PDGFC: variants seen among roughly 807,000 people sequenced by gnomAD.
The protein encoded by PDGFC is platelet-derived growth factor C.
PDGFC carries 12 observed loss-of-function variants against 35.5 expected under a neutral mutation model. That is an observed-to-expected ratio of 0.34 (90% CI 0.22 to 0.55). The LOEUF is 0.55. PDGFC is among the 20% of genes least tolerant of loss of function. The pLI is 0.91. For missense variants in PDGFC, 322 were observed against 412.4 expected (o/e 0.78, Z 1.90); for synonymous variants, 159 against 148.8 (o/e 1.07, Z -0.50).
intron 1 of PDGFC, among the ~76,000 whole-genome samples, chr4:156,950,454 C>T (rs1732052876): frequency 6.6e-6 from 1 of 151,892 alleles, no homozygotes; most frequent in South Asian, 2.1e-4. Flanking sequence ...TGTCTAGTCA[C>T]TCCTCCACAA....
At chr4:156,775,234 T>G (rs1730797332) in intron 3 of PDGFC, among the ~76,000 whole-genome samples, 1 of 152,152 alleles carries the variant, frequency 6.6e-6, no homozygotes, top group Admixed American at 6.5e-5. Flanking sequence ...TTGATTAAAT[T>G]TATGGTGTAA....
At chr4:156,819,508 GC>G (rs1732188872) in intron 2 of PDGFC, among the ~76,000 whole-genome samples, 1 of 152,156 alleles carries the variant, frequency 6.6e-6, no homozygotes, top group African/African-American at 2.4e-5. Context: ...GAACAACAAA[GC>G]CTGGATGATG....
At chr4:156,848,124 G>A (rs886075198) in intron 2 of PDGFC, among the ~76,000 whole-genome samples, 3 of 150,582 alleles carry the variant, frequency 2.0e-5, no homozygotes, top group Non-Finnish European at 4.5e-5. Context: ...GACATAAGCA[G>A]GCATGATAAA....
chr4:156,888,453 T>A (rs1027999266), intron 1 of PDGFC, among the ~76,000 whole-genome samples: 1 of 152,204 alleles, frequency 6.6e-6, no homozygotes, highest in Non-Finnish European at 1.5e-5. Context: ...CTTTTCTGAT[T>A]ATAAATTCAG....
intron 1 of PDGFC, among the ~76,000 whole-genome samples, chr4:156,894,061 G>C (rs1197387417): frequency 2.6e-5 from 4 of 151,974 alleles, no homozygotes; most frequent in Non-Finnish European, 5.9e-5. Context: ...TCAAAATAAT[G>C]GTTATACTAA....
chr4:156,881,629 G>C lies in PDGFC; in HGVS notation c.119-31213C>G, dbSNP rs756979349. ...GTGGATCGCCTGGAGTCAGGAGTCC[G>C]AGACCAGCCTGGCCAACATGGTGAA... is the stretch of plus-strand genomic sequence containing the variant. On this transcript the variant is annotated intron_variant, in intron 1 of 5. Transcript: ENST00000502773. Among the ~76,000 whole-genome samples, 12 of 152,076 alleles carry C rather than the reference G, an allele frequency of 7.9e-5. No individual in the cohort carries two copies. In the East Asian group the frequency reaches 1.2e-3, roughly 15 times the overall value.
intron 1 of PDGFC, 148 bp downstream of exon 1, chr4:156,970,638 C>G (rs537626763): frequency 3.0e-6 from 2 of 674,874 alleles, no homozygotes; most frequent in African/African-American, 1.8e-5. Context: ...CTTTAACAGT[C>G]CATGCCAATG....
chr4:156,806,630 T>C (rs1307873542), intron 3 of PDGFC, among the ~76,000 whole-genome samples: 3 of 152,076 alleles, frequency 2.0e-5, no homozygotes, highest in African/African-American at 7.2e-5. Context: ...TTTAGATTTG[T>C]ATATTTTACT....
In PDGFC at chr4:156,941,913, A is replaced by C. The variant is rs560914096; in HGVS notation, c.118+28873T>G. Among the ~76,000 whole-genome samples the C allele has an allele frequency of 1.6e-4, 24 of 152,288 alleles. No individual in the cohort carries two copies. In the South Asian group the frequency reaches 5.0e-3, roughly 32 times the overall value. Reference sequence around the variant, plus strand: ...CAGGAACAGAGGTGGCTTAGAAAAAAAATAAAATAAAAGAACTTTGACGTT... The same window carrying C: ...CAGGAACAGAGGTGGCTTAGAAAAACAATAAAATAAAAGAACTTTGACGTT... On this transcript the variant is annotated intron_variant, in intron 1 of 5. Coordinates refer to ENST00000502773, the MANE Select transcript of PDGFC (RefSeq NM_016205.3).
At chr4:156,819,178 G>A (rs913235780) in intron 2 of PDGFC, among the ~76,000 whole-genome samples, 1 of 152,146 alleles carries the variant, frequency 6.6e-6, no homozygotes, top group Non-Finnish European at 1.5e-5. Context: ...GAAGCAGCAA[G>A]TACTGATGGA....
intron 1 of PDGFC, among the ~76,000 whole-genome samples, chr4:156,920,644 AACACACACACAC>A (rs10611712): frequency 5.4e-4 from 71 of 132,048 alleles, no homozygotes; most frequent in African/African-American, 1.9e-3. Context: ...AGGAAAAGAA[AACACACACACAC>A]ACACACACAC....
chr4:156,893,485 A>C (rs2111200484), intron 1 of PDGFC, among the ~76,000 whole-genome samples: 1 of 151,908 alleles, frequency 6.6e-6, no homozygotes, highest in African/African-American at 2.4e-5. Context: ...TGATTTTTTA[A>C]GTTTTTTATT....
At chr4:156,845,759 C>T (rs1729312192) in intron 2 of PDGFC, among the ~76,000 whole-genome samples, 1 of 151,672 alleles carries the variant, frequency 6.6e-6, no homozygotes, top group Admixed American at 6.6e-5. Flanking sequence ...TCTGATTGAC[C>T]ACTTTATTAG....
At chr4:156,838,358 T>C (rs1402566112) in intron 2 of PDGFC, among the ~76,000 whole-genome samples, 1 of 152,202 alleles carries the variant, frequency 6.6e-6, no homozygotes, top group Non-Finnish European at 1.5e-5. Flanking sequence ...GGAACACATA[T>C]TCCTAGTTCC....
intron 3 of PDGFC, among the ~76,000 whole-genome samples, chr4:156,809,874 T>C (rs1731884077): frequency 6.6e-6 from 1 of 151,906 alleles, no homozygotes; most frequent in Admixed American, 6.6e-5. Flanking sequence ...TTTTGTCACA[T>C]GTTTGGGATG....
rs776866706 is a variant in PDGFC at position 156,767,775 on chromosome 4, C to T, written c.919G>A (p.Glu307Lys). ...CAAAAAGAAAATTGTATACCTACCT[C>T]GTGGTATTTTTTAGTAACTTTGCTT... ...VPSKVTKKYH[E>K]VLQLRPKTGV... is the part of the protein sequence containing the mutation. The change falls in exon 5 of 6, where the codon GAG (glutamate) becomes AAG (lysine). Residue 307 changes from glutamate (E) to lysine (K), a missense_variant and splice_region_variant. This residue lies in a region of PDGFC where 202 missense variants were observed against 295.9 expected (regional missense o/e 0.68). Coordinates refer to ENST00000502773, the MANE Select transcript of PDGFC (RefSeq NM_016205.3). 6.3e-6 allele frequency: 10 copies of T among 1,596,132 alleles called. No homozygotes were observed. Among genetic ancestry groups the T allele is most frequent in the Non-Finnish European group, 6.9e-6 (8 of 1,163,998 alleles).
intron 3 of PDGFC, among the ~76,000 whole-genome samples, chr4:156,808,262 G>A (rs1441621077): frequency 6.6e-6 from 1 of 152,034 alleles, no homozygotes; most frequent in African/African-American, 2.4e-5. Context: ...AATGTGAATG[G>A]CATTGTGCTA....
At chr4:156,893,034 C>A (rs1035826603) in intron 1 of PDGFC, among the ~76,000 whole-genome samples, 3 of 152,154 alleles carry the variant, frequency 2.0e-5, no homozygotes, top group African/African-American at 7.2e-5. Context: ...CAAGTCTTAA[C>A]CAGGACCTTA....
chr4:156,765,760 G>T, intron 5 of PDGFC, among the ~76,000 whole-genome samples: 1 of 152,104 alleles, frequency 6.6e-6, no homozygotes, highest in East Asian at 1.9e-4. Context: ...TACCTTTCCT[G>T]CTTCAGGGCA....
Sources: allele counts gnomAD v4.1 joint callset (sites outside exome capture counted in the v4.1 genomes callset), GRCh38; gene constraint gnomAD v4.1.1; regional missense constraint gnomAD v4.1.1; transcripts MANE v1.5; gene names NCBI Gene and HGNC (gene_info 2026-07-23, HGNC 2026-07-21).